The following ARID5B variants were observed in gnomAD, a reference collection of about 807,000 sequenced individuals.
ARID5B encodes the protein AT-rich interaction domain 5B.
A neutral mutation model predicts 97.2 loss-of-function variants in ARID5B; 13 were observed. The observed-to-expected ratio is 0.13, with a 90% CI of 0.09 to 0.21. The LOEUF is 0.21. Among genes scored for constraint, ARID5B ranks in the 10% least tolerant of loss-of-function variants. The pLI, the probability that ARID5B is intolerant of heterozygous loss-of-function variation, is 1.00. For missense variants in ARID5B, 1,210 were observed against 1,465.3 expected (o/e 0.83, Z 2.84); for synonymous variants, 556 against 570.3 (o/e 0.97, Z 0.36).
chr10:62,044,029 GCTT>G (rs998940189), intron 4 of ARID5B, among the ~76,000 whole-genome samples: 2 of 151,716 alleles, frequency 1.3e-5, no homozygotes, highest in Non-Finnish European at 2.9e-5. Context: ...TATGAAGCCA[GCTT>G]CTTTTTTTTT....
At chr10:62,050,610 TATC>T (rs1265340680) in intron 4 of ARID5B, among the ~76,000 whole-genome samples, 9 of 152,218 alleles carry the variant, frequency 5.9e-5, no homozygotes, top group African/African-American at 2.2e-4. Flanking sequence ...ACATTTTTCT[TATC>T]ATGATCCTTT....
At chr10:62,083,750 A>C (rs1840246293) in intron 8 of ARID5B, among the ~76,000 whole-genome samples, 1 of 152,246 alleles carries the variant, frequency 6.6e-6, no homozygotes, top group South Asian at 2.1e-4. Flanking sequence ...ATATCTTTCC[A>C]GTTTAAAATA....
In ARID5B at chr10:61,981,510, G is replaced by A. The variant is rs541281617; in HGVS notation, c.503-18581G>A. ...TTGGCCAGGCTGGTCTCAAACTCCT[G>A]ACCTCAAGTGATCCACCCGACTCAG... On this transcript the variant is annotated intron_variant, in intron 3 of 9. Transcript: ENST00000279873. 6.3e-4 allele frequency among the ~76,000 whole-genome samples: 96 copies of A among 152,206 alleles called. 1 individual carries two copies. Among genetic ancestry groups the A allele is most frequent in the Middle Eastern group, 3.4e-3 (1 of 294 alleles).
In ARID5B at chr10:62,032,874, T is replaced by C. The variant is rs528217642; in HGVS notation, c.734-18014T>C. Among the ~76,000 whole-genome samples, 3 of 152,296 alleles carry C rather than the reference T, an allele frequency of 2.0e-5. No homozygotes were observed. The South Asian group carries it at 6.2e-4, about 32-fold the overall frequency. On this transcript the variant is annotated intron_variant, in intron 4 of 9. Coordinates refer to ENST00000279873, the MANE Select transcript of ARID5B (RefSeq NM_032199.3). ...CTCCTAAGTGACCTACCCTAACTTC[T>C]ATATAGGTAGAATTTGGTCTCCTAT...
At chr10:62,014,883 G>T (rs780169070) in intron 4 of ARID5B, among the ~76,000 whole-genome samples, 18 of 152,162 alleles carry the variant, frequency 1.2e-4, no homozygotes, top group Non-Finnish European at 2.4e-4. Flanking sequence ...TCCAGGATTT[G>T]TAGGGTATAT....
At chr10:61,953,425 T>C (rs986494597) in intron 3 of ARID5B, among the ~76,000 whole-genome samples, 5 of 152,202 alleles carry the variant, frequency 3.3e-5, no homozygotes, top group African/African-American at 1.2e-4. Context: ...TTTTCACATG[T>C]GCGGCCTGTA....
Position 61,988,245 on chromosome 10 carries a change from T to C in ARID5B, c.503-11846T>C, listed in dbSNP as rs141254158. Among the ~76,000 whole-genome samples the C allele has an allele frequency of 1.9e-3, 286 of 152,354 alleles. 2 individuals are homozygous for C. The highest frequency in any genetic ancestry group is 3.4e-3 in the Middle Eastern group (1 of 294). The stretch of plus-strand genomic sequence containing the variant: ...TAAGTATCTCTTTCAGCTGTTAAAT[T>C]ACTTTTAGTAATGTGCACACTAGAA... On this transcript the variant is annotated intron_variant, in intron 3 of 9. Transcript: ENST00000279873.
Position 61,937,419 on chromosome 10 carries a change from GAGCTGT to G in ARID5B, c.277-2763_277-2758del, listed in dbSNP as rs1844324414. ...TGACTTAGAGGATTTATGATTAAAT[GAGCTGT>G]TTTTGGACAATGGTAGAAACTAAAT... On this transcript the variant is annotated intron_variant, in intron 2 of 9. Transcript: ENST00000279873. Among the ~76,000 whole-genome samples the G allele has an allele frequency of 3.3e-5, 5 of 152,128 alleles. No individual in the cohort carries two copies. In the South Asian group the frequency reaches 1.0e-3, roughly 32 times the overall value.
chr10:62,075,923 C>G (rs886640430), intron 8 of ARID5B, among the ~76,000 whole-genome samples: 3 of 152,198 alleles, frequency 2.0e-5, no homozygotes, highest in Admixed American at 6.5e-5. Flanking sequence ...TACTGCTGCC[C>G]TCAAAACCCA....
intron 3 of ARID5B, among the ~76,000 whole-genome samples, chr10:61,942,383 A>G (rs912749451): frequency 3.3e-5 from 5 of 152,196 alleles, no homozygotes; most frequent in Admixed American, 6.5e-5. Flanking sequence ...TTTTAAATTT[A>G]GTTGCTTATT....
chr10:61,952,725 T>G (rs1426704349), intron 3 of ARID5B, among the ~76,000 whole-genome samples: 2 of 152,222 alleles, frequency 1.3e-5, no homozygotes, highest in Non-Finnish European at 2.9e-5. Flanking sequence ...GTTTGCTAAC[T>G]ATTCTTGGTC....
At chr10:61,981,117 T>C (rs1838771138) in intron 3 of ARID5B, among the ~76,000 whole-genome samples, 1 of 152,166 alleles carries the variant, frequency 6.6e-6, no homozygotes, top group African/African-American at 2.4e-5. Context: ...TCCTCATCTA[T>C]AAAATGGAAG....
chr10:62,094,833 T>C lies in ARID5B; in HGVS notation c.*1803T>C, dbSNP rs1840444323. The C allele has an allele frequency of 4.3e-6, 1 of 231,050 alleles. No individual in the cohort carries two copies. The highest frequency in any genetic ancestry group is 5.7e-5 in the Admixed American group (1 of 17,678). The allele number at this position is 231,050 out of a possible 1,614,324, so 14.3% of individuals were successfully genotyped here. A position where few individuals can be genotyped will look rare whatever the true frequency, so the allele number is the denominator to read the frequency against. On this transcript the variant is annotated 3_prime_UTR_variant, in exon 10 of 10. Coordinates refer to ENST00000279873, the MANE Select transcript of ARID5B (RefSeq NM_032199.3). ...CATAGTTAACTAAGTCTTTTACCTC[T>C]GAGATACTTAATTCTGGGAAAATTG...
intron 4 of ARID5B, among the ~76,000 whole-genome samples, chr10:62,010,817 C>T (rs985311735): frequency 6.6e-6 from 1 of 152,196 alleles, no homozygotes; most frequent in Non-Finnish European, 1.5e-5. Flanking sequence ...TCACTAACAA[C>T]CTTTCCAACT....
chr10:62,066,470 G>A (rs1163344854), intron 7 of ARID5B, among the ~76,000 whole-genome samples: 1 of 152,138 alleles, frequency 6.6e-6, no homozygotes, highest in Non-Finnish European at 1.5e-5. Flanking sequence ...AGTAAATAGA[G>A]GAACCACTTC....
At chr10:62,020,553 C>T (rs1839342833) in intron 4 of ARID5B, among the ~76,000 whole-genome samples, 1 of 152,118 alleles carries the variant, frequency 6.6e-6, no homozygotes, top group Admixed American at 6.5e-5. Context: ...TTGAAAAGAG[C>T]TCAGGGGCAT....
At chr10:62,054,592 C>A (rs556259121) in intron 5 of ARID5B, among the ~76,000 whole-genome samples, 19 of 152,298 alleles carry the variant, frequency 1.2e-4, no homozygotes, top group Middle Eastern at 6.8e-3. Flanking sequence ...GGACCTGGTT[C>A]ATGCACCCCT....
chr10:61,968,484 C>A (rs1179171326), intron 3 of ARID5B, among the ~76,000 whole-genome samples: 1 of 151,508 alleles, frequency 6.6e-6, no homozygotes, highest in Non-Finnish European at 1.5e-5. Flanking sequence ...TTCTTCCAAC[C>A]CTGTAACAAT....
At chr10:62,018,594 T>TTC (rs914316686) in intron 4 of ARID5B, among the ~76,000 whole-genome samples, 14 of 151,750 alleles carry the variant, frequency 9.2e-5, no homozygotes, top group Non-Finnish European at 1.8e-4. Flanking sequence ...TTTTTTTTTT[T>TTC]TCAAACCTGC....
Sources: gnomAD v4.1 joint callset for allele counts (sites outside exome capture counted in the v4.1 genomes callset) on GRCh38, gnomAD v4.1.1 for gene constraint, MANE v1.5 for transcripts, NCBI Gene and HGNC (gene_info 2026-07-23, HGNC 2026-07-21) for gene names.